Variants in EIF5B observed in about 807,000 individuals in gnomAD.
The protein encoded by EIF5B is eIF-5B.
Under a neutral mutation model 147.5 loss-of-function variants are expected in EIF5B, and 47 were observed. The ratio of observed to expected loss-of-function variants is 0.32; its 90% CI spans 0.25 to 0.41. The LOEUF (loss-of-function observed/expected upper bound fraction) is 0.41. Among genes scored for constraint, EIF5B ranks in the 10% least tolerant of loss-of-function variants. The pLI is 1.00. For synonymous variants in EIF5B, 455 were observed against 456.2 expected, an observed-to-expected ratio of 1.00 and a Z score of 0.03; for missense variants, 1,064 against 1,413.2, an observed-to-expected ratio of 0.75 and a Z score of 3.96.
intron 1 of EIF5B, among the ~76,000 whole-genome samples, chr2:99,358,851 TA>T (rs752202104): frequency 8.5e-5 from 13 of 152,140 alleles, no homozygotes; most frequent in South Asian, 6.2e-4. Flanking sequence ...ATCTAAAATG[TA>T]GGAAGAAAAG....
intron 14 of EIF5B, among the ~76,000 whole-genome samples, chr2:99,387,216 T>C (rs1236553819): frequency 2.0e-5 from 3 of 152,152 alleles, no homozygotes; most frequent in Non-Finnish European, 4.4e-5. Context: ...CCCCAATTAA[T>C]TTTTTTACGA....
chr2:99,363,852 G>C lies in EIF5B; in HGVS notation c.1127G>C (p.Arg376Pro), dbSNP rs758896433. The C allele has an allele frequency of 6.2e-7, 1 of 1,605,146 alleles. No homozygotes were observed. Among genetic ancestry groups the C allele is most frequent in the Admixed American group, 1.7e-5 (1 of 57,604 alleles). The change falls in exon 5 of 24, where the codon CGT becomes CCT. Residue 376 changes from arginine (R) to proline (P), a missense_variant. Around this residue, in one of 4 missense-constraint regions of EIF5B, gnomAD observed 458 missense variants for 451.3 expected, o/e 1.01. Transcript: ENST00000289371. The stretch of plus-strand genomic sequence containing the variant: ...CGGCTTGAAGAATTAGAAGCCAAGC[G>C]TAAAGAAGAGGTATGTTTTCATGAA... ...IKRLEELEAK[R>P]KEEERLEQEK...
At chr2:99,378,951 A>T (rs1674617526) in intron 10 of EIF5B, 68 bp from the exon 11 acceptor site, 2 of 1,274,552 alleles carry the variant, frequency 1.6e-6, no homozygotes, top group African/African-American at 1.5e-5. Context: ...AAGGCAAAAC[A>T]GAAAATAAGG....
At chr2:99,351,003 A>G (rs1673941241) in intron 1 of EIF5B, among the ~76,000 whole-genome samples, 1 of 152,258 alleles carries the variant, frequency 6.6e-6, no homozygotes, top group Non-Finnish European at 1.5e-5. Flanking sequence ...AAAAGATTAT[A>G]GATTTGTTCT....
chr2:99,339,006 A>ATTT lies in EIF5B; in HGVS notation c.35+1431_35+1433dup, dbSNP rs1189175387. On this transcript the variant is annotated intron_variant, in intron 1 of 23. Coordinates refer to ENST00000289371, the MANE Select transcript of EIF5B (RefSeq NM_015904.4). ...AATATATACACAAATATATATATAC[A>ATTT]TTTTTTTTTTTTTTTTGAGACGGAG... Among the ~76,000 whole-genome samples, 209 of 137,186 alleles carry ATTT rather than the reference A, an allele frequency of 1.5e-3. 3 individuals are homozygous for ATTT. Among genetic ancestry groups the ATTT allele is most frequent in the African/African-American group, 5.5e-3 (204 of 37,274 alleles). The allele number at this position is 137,186 out of a possible 152,430, so 90.0% of individuals were successfully genotyped here. A position where few individuals can be genotyped will look rare whatever the true frequency, so the allele number is the denominator to read the frequency against.
rs565651176 is a variant in EIF5B, at chr2:99,396,981, C to A, written c.3393+83C>A. ...AGAGTCGTACCAACACAGCTTTGTGCCTGTAGTTCACAGTACTGTGCTGTG... is the reference window on the plus strand; with the variant it reads ...AGAGTCGTACCAACACAGCTTTGTGACTGTAGTTCACAGTACTGTGCTGTG... On this transcript the variant is annotated intron_variant, in intron 22 of 23. Coordinates refer to ENST00000289371, the MANE Select transcript of EIF5B (RefSeq NM_015904.4). The A allele has an allele frequency of 3.9e-4, 580 of 1,484,176 alleles. No individual in the cohort carries two copies. The Middle Eastern group carries it at 6.0e-3, about 15-fold the overall frequency. 91.9% of individuals were successfully genotyped at this position (1,484,176 alleles called of 1,614,324 possible).
At position 99,377,097 on chromosome 2, in the gene EIF5B, A is replaced by G. The variant is rs78959239; in HGVS notation, c.1842+461A>G. ...TAGACTTTCTGTATTTTTCCTACTT[A>G]ATGCAGTAGATTTCAGTATGCTTCA... On this transcript the variant is annotated intron_variant, in intron 10 of 23. Coordinates refer to ENST00000289371, the MANE Select transcript of EIF5B (RefSeq NM_015904.4). 2.8e-3 allele frequency among the ~76,000 whole-genome samples: 424 copies of G among 152,186 alleles called. 4 individuals carry two copies. The highest frequency in any genetic ancestry group is 0.022 in the East Asian group (114 of 5,176).
At chr2:99,372,858 A>G (rs1468058595) in intron 9 of EIF5B, among the ~76,000 whole-genome samples, 1 of 152,000 alleles carries the variant, frequency 6.6e-6, no homozygotes, top group Non-Finnish European at 1.5e-5. Flanking sequence ...TTTGCTAATC[A>G]TTTTGTTCAA....
chr2:99,389,189 A>G (rs959844859), intron 14 of EIF5B, among the ~76,000 whole-genome samples: 2 of 152,166 alleles, frequency 1.3e-5, no homozygotes, highest in African/African-American at 4.8e-5. Context: ...TTGTTTGGCT[A>G]GCAAGTATTT....
chr2:99,374,313 T>A (rs920480367), intron 9 of EIF5B, among the ~76,000 whole-genome samples: 31 of 147,906 alleles, frequency 2.1e-4, no homozygotes, highest in Non-Finnish European at 4.2e-4. Flanking sequence ...AAAAAAAAGA[T>A]ATAATTTTTC....
Position 99,369,399 on chromosome 2 carries a change from A to T in EIF5B, c.1395A>T (p.Glu465Asp). ...PQQLESKEVS[E>D]SMELCAAVEV... is the part of the protein sequence containing the mutation. ...TTTCTGCCCCTTTTTCAGTGTCTGAATCAATGGAATTATGTGCTGCTGTAG... is the reference window on the plus strand; with the variant it reads ...TTTCTGCCCCTTTTTCAGTGTCTGATTCAATGGAATTATGTGCTGCTGTAG... The change falls in exon 8 of 24, where the codon GAA (glutamate) becomes GAT (aspartate). Residue 465 changes from glutamate to aspartate, a missense_variant. By Grantham distance (45) the Glu-to-Asp change is conservative. Around this residue, in one of 4 missense-constraint regions of EIF5B, gnomAD observed 195 missense variants for 186.3 expected, o/e 1.05. Transcript: ENST00000289371. The T allele has an allele frequency of 6.2e-7, 1 of 1,609,716 alleles. No homozygotes were observed. Among genetic ancestry groups the T allele is most frequent in the African/African-American group, 1.3e-5 (1 of 74,898 alleles).
At chr2:99,364,522 TCC>T (rs1445296641) in intron 6 of EIF5B, 101 bp downstream of exon 6, 9 of 1,167,510 alleles carry the variant, frequency 7.7e-6, no homozygotes, top group Admixed American at 2.7e-5. Context: ...TCAGGACAGT[TCC>T]TATGAAAAAT....
At chr2:99,352,353 G>C (rs187116663) in intron 1 of EIF5B, among the ~76,000 whole-genome samples, 13 of 152,062 alleles carry the variant, frequency 8.5e-5, no homozygotes, top group African/African-American at 2.7e-4. Context: ...GCGCCACCAT[G>C]CCTGGCTAAT....
At position 99,337,459 on chromosome 2, in the gene EIF5B, G is replaced by C. The variant is rs900659542; in HGVS notation, c.-96G>C. The C allele has an allele frequency of 2.0e-6, 3 of 1,510,380 alleles. No individual in the cohort carries two copies. The highest frequency in any genetic ancestry group is 1.7e-4 in the Middle Eastern group (1 of 5,902). 93.6% of individuals were successfully genotyped at this position (1,510,380 alleles called of 1,614,324 possible). ...GGTGCGAGCGGCGGCAGCACGAGGGGAAAAGAGCTGAGCGGAGACCAAAGT... is the reference window on the plus strand; with the variant it reads ...GGTGCGAGCGGCGGCAGCACGAGGGCAAAAGAGCTGAGCGGAGACCAAAGT... On this transcript the variant is annotated 5_prime_UTR_variant, in exon 1 of 24. Coordinates refer to ENST00000289371, the MANE Select transcript of EIF5B (RefSeq NM_015904.4).
In EIF5B at chr2:99,401,265, A is replaced by G. The variant is rs931198045; in HGVS notation, c.*1851A>G. On this transcript the variant is annotated 3_prime_UTR_variant, in exon 24 of 24. Transcript: ENST00000289371. ...TTTATGTAACTTTTAATGTGCTTCC[A>G]TAAGTTTGTTGTAAAACCACCTGGA... 9.9e-6 allele frequency: 16 copies of G among 1,611,408 alleles called. No homozygotes were observed. The highest frequency in any genetic ancestry group is 4.4e-5 in the South Asian group (4 of 91,030).
chr2:99,374,245 C>T (rs1191359856), intron 9 of EIF5B, among the ~76,000 whole-genome samples: 10 of 140,018 alleles, frequency 7.1e-5, no homozygotes, highest in Non-Finnish European at 1.2e-4. Context: ...GCTGAGATTG[C>T]GCCACTGCAT....
chr2:99,397,831 A>G (rs993003647), intron 22 of EIF5B: 2 of 152,158 alleles, frequency 1.3e-5, no homozygotes, highest in East Asian at 3.9e-4. Flanking sequence ...TAAGTCAACT[A>G]TTACGTAGAT....
rs1675359386 is a variant in EIF5B, at chr2:99,401,271, T to G, written c.*1857T>G. ...TAACTTTTAATGTGCTTCCATAAGT[T>G]TGTTGTAAAACCACCTGGACATTGT... On this transcript the variant is annotated 3_prime_UTR_variant, in exon 24 of 24. Coordinates refer to ENST00000289371, the MANE Select transcript of EIF5B (RefSeq NM_015904.4). 6.2e-7 allele frequency: 1 copy of G among 1,612,686 alleles called. No individual in the cohort carries two copies. The highest frequency in any genetic ancestry group is 1.3e-5 in the African/African-American group (1 of 74,882).
At chr2:99,346,871 A>T (rs751764741) in intron 1 of EIF5B, among the ~76,000 whole-genome samples, 1 of 150,748 alleles carries the variant, frequency 6.6e-6, no homozygotes, top group Non-Finnish European at 1.5e-5. Flanking sequence ...CGCCTGGCCC[A>T]TATAAGTTGT....
Sources: gnomAD v4.1 joint callset for allele counts (sites outside exome capture counted in the v4.1 genomes callset) on GRCh38, gnomAD v4.1.1 for gene constraint, gnomAD v4.1.1 regional missense constraint, MANE v1.5 for transcripts, NCBI Gene and HGNC (gene_info 2026-07-23, HGNC 2026-07-21) for gene names.